The following PLOD1 variants were observed in gnomAD, a reference collection of about 807,000 sequenced individuals.
PLOD1 encodes the protein procollagen-lysine,2-oxoglutarate 5-dioxygenase 1, also known as lysine hydroxylase.
Under a neutral mutation model 94.7 loss-of-function variants are expected in PLOD1, and 70 were observed. The ratio of observed to expected loss-of-function variants is 0.74; its 90% CI spans 0.61 to 0.90. The LOEUF is 0.90. Ranked by LOEUF, PLOD1 falls within the 40% of genes least tolerant of loss-of-function variation. The pLI, the probability that PLOD1 is intolerant of heterozygous loss-of-function variation, is 0.00. For synonymous variants in PLOD1, 417 were observed against 400.2 expected, an observed-to-expected ratio of 1.04 and a Z score of -0.50; for missense variants, 905 against 972.7, an observed-to-expected ratio of 0.93 and a Z score of 0.93.
At chr1:11,973,141 G>T (rs1645878808) in intron 18 of PLOD1, 144 bp downstream of exon 18, 1 of 827,634 alleles carries the variant, frequency 1.2e-6, no homozygotes, top group Non-Finnish European at 1.9e-6. Flanking sequence ...GGGTCTGTGG[G>T]AGGGCTTCCT....
At position 11,963,043 on chromosome 1, in the gene PLOD1, AAAAAT is replaced by A. The variant is rs145828169; in HGVS notation, c.1098-474_1098-470del. 0.059 allele frequency among the ~76,000 whole-genome samples: 8,927 copies of A among 152,090 alleles called. 366 individuals carry two copies. The highest frequency in any genetic ancestry group is 0.11 in the East Asian group (543 of 5,170). On this transcript the variant is annotated intron_variant, in intron 10 of 18. Coordinates refer to ENST00000196061, the MANE Select transcript of PLOD1 (RefSeq NM_000302.4). The surrounding 1 kb of genome is among the most constrained non-coding windows in gnomAD (Gnocchi z 4.3). Reference sequence around the variant, plus strand: ...GCAACAGAGTGAGACTCGTTCTCAAAAAAATAAAATAAAATAAAAATAAAAAAAAG... The same window carrying A: ...GCAACAGAGTGAGACTCGTTCTCAAAAAAATAAAATAAAAATAAAAAAAAG...
rs748066312 is a variant in PLOD1, at chr1:11,948,003, CT to C, written c.105del (p.Lys36ArgfsTer25). The C allele has an allele frequency of 6.2e-7, 1 of 1,613,660 alleles. No individual in the cohort carries two copies. The highest frequency in any genetic ancestry group is 2.2e-5 in the East Asian group (1 of 44,874). On this transcript the variant is annotated frameshift_variant, in exon 2 of 19. Transcript: ENST00000196061. LOFTEE classifies it high-confidence loss of function. ...EDNLLVLTVA[T>X]KETEGFRRFK... ...AACCTTTTAGTCCTCACGGTGGCCACTAAGGAGACCGAGGGATTCCGTCGCT... is the reference window on the plus strand; with the variant it reads ...AACCTTTTAGTCCTCACGGTGGCCACAAGGAGACCGAGGGATTCCGTCGCT...
chr1:11,974,302 C>T (rs1168610271), intron 18 of PLOD1, among the ~76,000 whole-genome samples: 1 of 152,050 alleles, frequency 6.6e-6, no homozygotes, highest in Non-Finnish European at 1.5e-5. Context: ...TCTGTCTCAG[C>T]TTCCCGAATA....
Position 11,956,982 on chromosome 1 carries a change from C to G in PLOD1, c.709C>G (p.Pro237Ala). 1 of 1,613,774 alleles carries G rather than the reference C, an allele frequency of 6.2e-7. No individual in the cohort carries two copies. Among genetic ancestry groups the G allele is most frequent in the South Asian group, 1.1e-5 (1 of 91,076 alleles). The change falls in exon 7 of 19, where the codon CCG becomes GCG. Residue 237 changes from proline to alanine, a missense_variant. Transcript: ENST00000196061. Reference sequence around the variant, plus strand: ...GAGGAACCTGGCCTATGACACCCTCCCGGTCCTGATCCATGGCAACGGGCC... The same window carrying G: ...GAGGAACCTGGCCTATGACACCCTCGCGGTCCTGATCCATGGCAACGGGCC... ...RARNLAYDTL[P>A]VLIHGNGPTK...
At chr1:11,961,724 C>G (rs1645778872) in intron 10 of PLOD1, among the ~76,000 whole-genome samples, 1 of 152,196 alleles carries the variant, frequency 6.6e-6, no homozygotes, top group African/African-American at 2.4e-5. Context: ...ATCCTCCTGC[C>G]TCAGCCCCCC....
At chr1:11,950,873 A>T (rs1387167998) in intron 4 of PLOD1, among the ~76,000 whole-genome samples, 1 of 152,156 alleles carries the variant, frequency 6.6e-6, no homozygotes, top group East Asian at 1.9e-4. Flanking sequence ...AGCTCACTGC[A>T]GCCTCCGCCT....
Position 11,964,020 on chromosome 1 carries a change from C to A in PLOD1, c.1203-155C>A, listed in dbSNP as rs7514470. 0.016 allele frequency among the ~76,000 whole-genome samples: 2,433 copies of A among 152,254 alleles called. 69 individuals carry two copies. The highest frequency in any genetic ancestry group is 0.055 in the African/African-American group (2,293 of 41,548). On this transcript the variant is annotated intron_variant, in intron 11 of 18. Transcript: ENST00000196061. ...AGCAGGTACCAGAAGAGCCAAACCCCCGACACCCCGGCCAAGGCACTGCCT... is the reference window on the plus strand; with the variant it reads ...AGCAGGTACCAGAAGAGCCAAACCCACGACACCCCGGCCAAGGCACTGCCT...
At chr1:11,956,412 A>G (rs1449223087) in intron 6 of PLOD1, among the ~76,000 whole-genome samples, 2 of 152,100 alleles carry the variant, frequency 1.3e-5, no homozygotes, top group African/African-American at 4.8e-5. Context: ...AACACACACA[A>G]AAAACATGAG....
chr1:11,970,678 C>T lies in PLOD1; in HGVS notation c.1764C>T (p.Arg588=), dbSNP rs1042655123. ...QWSLGNNKDN[R]IQGGYENVPT... is the part of the protein sequence containing the mutation. ...ACCTCGGTCACCTCCAGGACAACCG[C>T]ATCCAGGGTGGCTACGAGAACGTGC... The change falls in exon 17 of 19, where the codon CGC becomes CGT. Residue 588 remains arginine, a synonymous_variant. Coordinates refer to ENST00000196061, the MANE Select transcript of PLOD1 (RefSeq NM_000302.4). The T allele has an allele frequency of 1.2e-6, 2 of 1,613,202 alleles. No individual in the cohort carries two copies. The highest frequency in any genetic ancestry group is 2.7e-5 in the African/African-American group (2 of 74,780).
At chr1:11,950,871 G>A (rs1645696050) in intron 4 of PLOD1, among the ~76,000 whole-genome samples, 1 of 152,148 alleles carries the variant, frequency 6.6e-6, no homozygotes, top group South Asian at 2.1e-4. Flanking sequence ...TCAGCTCACT[G>A]CAGCCTCCGC....
chr1:11,967,762 A>T (rs1645832290), intron 16 of PLOD1, among the ~76,000 whole-genome samples: 2 of 146,170 alleles, frequency 1.4e-5, no homozygotes, highest in Admixed American at 1.4e-4. Context: ...TTAATTAATT[A>T]ATTTAGAGAC....
At chr1:11,968,507 T>C (rs1245629444) in intron 16 of PLOD1, among the ~76,000 whole-genome samples, 1 of 151,584 alleles carries the variant, frequency 6.6e-6, no homozygotes, top group Non-Finnish European at 1.5e-5. Flanking sequence ...CCACCTCTGA[T>C]TTTCTTTTTT....
In PLOD1 at chr1:11,974,999, C is replaced by A; in HGVS notation, c.*191C>A. The A allele has an allele frequency of 1.5e-6, 1 of 673,674 alleles. No individual in the cohort carries two copies. Among genetic ancestry groups the A allele is most frequent in the South Asian group, 1.6e-5 (1 of 61,558 alleles). 41.7% of individuals were successfully genotyped at this position (673,674 alleles called of 1,614,324 possible). On this transcript the variant is annotated 3_prime_UTR_variant, in exon 19 of 19. Transcript: ENST00000196061. Reference sequence around the variant, plus strand: ...CCAGAGGCGGAACACACCTTTATGGCTGGGGCTCTCCGTGGTGTTCTGGAC... The same window carrying A: ...CCAGAGGCGGAACACACCTTTATGGATGGGGCTCTCCGTGGTGTTCTGGAC...
chr1:11,967,616 A>ATATATATATATATATATAT lies in PLOD1; in HGVS notation c.1755+525_1755+526insTATATATATATATATATAT, dbSNP rs35226154. Among the ~76,000 whole-genome samples, 174 of 74,926 alleles carry ATATATATATATATATATAT rather than the reference A, an allele frequency of 2.3e-3. 19 individuals carry two copies. The highest frequency in any genetic ancestry group is 0.012 in the East Asian group (21 of 1,806). 49.2% of individuals were successfully genotyped at this position (74,926 alleles called of 152,430 possible). ...GTGTGTGTATATATATATATATATA[A>ATATATATATATATATATAT]AAAGAAATATATATAGATTTTATTT... On this transcript the variant is annotated intron_variant, in intron 16 of 18. Transcript: ENST00000196061.
At chr1:11,954,595 AT>A in intron 5 of PLOD1, 1 of 758,486 alleles carries the variant, frequency 1.3e-6, no homozygotes, top group East Asian at 2.5e-5. Context: ...GCATTCTTAG[AT>A]TCCTTCCAGT....
chr1:11,960,606 C>A, intron 9 of PLOD1, 40 bp from the exon 10 acceptor site: 2 of 1,409,014 alleles, frequency 1.4e-6, no homozygotes, highest in Non-Finnish European at 2.0e-6. Flanking sequence ...CTGTGTCCTC[C>A]TCCTCACCCC....
At chr1:11,948,912 A>C (rs1645676778) in intron 2 of PLOD1, among the ~76,000 whole-genome samples, 1 of 152,156 alleles carries the variant, frequency 6.6e-6, no homozygotes, top group African/African-American at 2.4e-5. Flanking sequence ...GATGGACAAT[A>C]CAGAACATGT....
Position 11,963,686 on chromosome 1 carries a change from T to C in PLOD1, c.1202+50T>C, listed in dbSNP as rs1645794944. On this transcript the variant is annotated intron_variant, in intron 11 of 18. Transcript: ENST00000196061. The surrounding 1 kb of genome is among the most constrained non-coding windows in gnomAD (Gnocchi z 4.3). ...GCACTGCTCAGGACTGGCCTGGTCC[T>C]GGGGTGGCAGCCCTCCTTGCCTTCC... 7.9e-7 allele frequency: 1 copy of C among 1,266,928 alleles called. No individual in the cohort carries two copies. The highest frequency in any genetic ancestry group is 1.3e-5 in the South Asian group (1 of 79,034). 78.5% of individuals were successfully genotyped at this position (1,266,928 alleles called of 1,614,324 possible).
rs750942824 is a variant in PLOD1, at chr1:11,965,486, T to C, written c.1477T>C (p.Phe493Leu). 6.2e-7 allele frequency: 1 copy of C among 1,608,630 alleles called. No homozygotes were observed. The highest frequency in any genetic ancestry group is 8.5e-7 in the Non-Finnish European group (1 of 1,175,560). Residue 493 changes from phenylalanine (F) to leucine (L), a missense_variant, in exon 14 of 19, where the codon TTC becomes CTC. Physicochemically the swap from Phe to Leu is conservative, Grantham distance 22. Coordinates refer to ENST00000196061, the MANE Select transcript of PLOD1 (RefSeq NM_000302.4). The stretch of plus-strand genomic sequence containing the variant: ...CCGGGCCTGTCCTCCCCAGGATGTG[T>C]TCATGTTCCTGACCAACCGGCACAC... ...FCANIRQQDV[F>L]MFLTNRHTLG...
Sources: gnomAD v4.1 joint callset for allele counts (sites outside exome capture counted in the v4.1 genomes callset) on GRCh38, gnomAD v4.1.1 for gene constraint, Gnocchi (gnomAD v3.1) non-coding constraint, MANE v1.5 for transcripts, NCBI Gene and HGNC (gene_info 2026-07-23, HGNC 2026-07-21) for gene names.